Variants in VLDLR observed in about 807,000 individuals in gnomAD.
VLDLR encodes very low-density lipoprotein receptor.
Under a neutral mutation model 112.7 loss-of-function variants are expected in VLDLR, and 81 were observed. The ratio of observed to expected loss-of-function variants is 0.72; its 90% CI spans 0.60 to 0.86. VLDLR has a LOEUF of 0.86. Among genes scored for constraint, VLDLR ranks in the 40% least tolerant of loss-of-function variants. The pLI, the probability that VLDLR is intolerant of heterozygous loss-of-function variation, is 0.00. For synonymous variants in VLDLR, 436 were observed against 384.8 expected, an observed-to-expected ratio of 1.13 and a Z score of -1.56; for missense variants, 1,237 against 1,099.4, an observed-to-expected ratio of 1.13 and a Z score of -1.77.
At position 2,643,483 on chromosome 9, in the gene VLDLR, T is replaced by C. The variant is rs1817919690; in HGVS notation, c.772T>C (p.Cys258Arg). ...CGAGTGCATCCATAAGAAGTGGCGA[T>C]GTGATGGGGACCCTGACTGCAAGGA... ...SGECIHKKWR[C>R]DGDPDCKDGS... Residue 258 changes from cysteine to arginine, a missense_variant, in exon 5 of 19, where the codon TGT becomes CGT. By Grantham distance (180) the Cys-to-Arg change is radical. Transcript: ENST00000382100. 2.5e-6 allele frequency: 4 copies of C among 1,614,072 alleles called. No homozygotes were observed. The highest frequency in any genetic ancestry group is 1.7e-5 in the Admixed American group (1 of 60,008).
Position 2,646,335 on chromosome 9 carries a change from G to C in VLDLR, c.1486G>C (p.Ala496Pro). ...ADLSQKAIFS[A>P]SIDDKVGRHV... ...TTCTTGTGACCTATTCTGTTTCAGT[G>C]CCTCAATTGATGACAAGGTTGGTAG... The change falls in exon 11 of 19, where the codon GCC (alanine) becomes CCC (proline). Residue 496 changes from alanine to proline, a missense_variant and splice_region_variant. Physicochemically the swap from Ala to Pro is conservative, Grantham distance 27. Transcript: ENST00000382100. 6.2e-7 allele frequency: 1 copy of C among 1,614,010 alleles called. No individual in the cohort carries two copies.
chr9:2,635,328 C>T (rs1296603261), intron 1 of VLDLR, 125 bp from the exon 2 acceptor site: 23 of 1,436,880 alleles, frequency 1.6e-5, no homozygotes, highest in Non-Finnish European at 2.2e-5. Flanking sequence ...CCTACTCTGG[C>T]CCTTAGGATG....
intron 3 of VLDLR, 79 bp downstream of exon 3, chr9:2,640,060 A>G: frequency 6.2e-7 from 1 of 1,610,762 alleles, no homozygotes; most frequent in South Asian, 1.1e-5. Flanking sequence ...TTAATCTCCT[A>G]CTTGGTATTC....
At chr9:2,636,574 A>G (rs1817605663) in intron 2 of VLDLR, among the ~76,000 whole-genome samples, 4 of 152,220 alleles carry the variant, frequency 2.6e-5, no homozygotes, top group Admixed American at 1.3e-4. Flanking sequence ...CAATGTGTAA[A>G]GCAGATCAGT....
chr9:2,644,715 T>C lies in VLDLR; in HGVS notation c.1067-19T>C, dbSNP rs1817993286. 1 of 1,613,864 alleles carries C rather than the reference T, an allele frequency of 6.2e-7. No individual in the cohort carries two copies. The highest frequency in any genetic ancestry group is 8.5e-7 in the Non-Finnish European group (1 of 1,179,866). ...AATTGAAAATAAGTTGTCAAGTGAC[T>C]ACTACATTTTTATTCCAGATATAAA... On this transcript the variant is annotated intron_variant, in intron 7 of 18. Transcript: ENST00000382100.
Position 2,657,943 on chromosome 9 carries a change from A to C in VLDLR, c.*4075A>C, listed in dbSNP as rs974321226. On this transcript the variant is annotated 3_prime_UTR_variant, in exon 19 of 19. Coordinates refer to ENST00000382100, the MANE Select transcript of VLDLR (RefSeq NM_003383.5). The stretch of plus-strand genomic sequence containing the variant: ...TTCTTGGGAAAACTAAAAATTGTAC[A>C]TCCATGCTTCAGCCATATCATGGGC... 6.6e-6 allele frequency: 1 copy of C among 152,232 alleles called. No individual in the cohort carries two copies. Among genetic ancestry groups the C allele is most frequent in the African/African-American group, 2.4e-5 (1 of 41,466 alleles). 9.4% of individuals were successfully genotyped at this position (152,232 alleles called of 1,614,324 possible). A position where few individuals can be genotyped will look rare whatever the true frequency, so the allele number is the denominator to read the frequency against.
chr9:2,622,838 C>T (rs1816887331), intron 1 of VLDLR, among the ~76,000 whole-genome samples: 1 of 152,090 alleles, frequency 6.6e-6, no homozygotes, highest in African/African-American at 2.4e-5. Context: ...CTCCGCGGAG[C>T]CGAGGGCACC....
Position 2,651,949 on chromosome 9 carries a change from C to T in VLDLR, c.2411C>T (p.Pro804Leu), listed in dbSNP as rs1262685523. ...ACTTCTGCCGCATGGGCCATTCTTC[C>T]TCTCTGTAAGTAGATTTCCTACAAG... is the stretch of plus-strand genomic sequence containing the variant. ...KGTSAAWAILPLLLLVMAAVG... is the reference protein window; with the variant it reads ...KGTSAAWAILLLLLLVMAAVG... The change falls in exon 17 of 19, where the codon CCT becomes CTT. Residue 804 changes from proline (P) to leucine (L), a missense_variant. Transcript: ENST00000382100. 3 of 1,614,048 alleles carry T rather than the reference C, an allele frequency of 1.9e-6. No individual in the cohort carries two copies. Among genetic ancestry groups the T allele is most frequent in the Admixed American group, 3.3e-5 (2 of 60,020 alleles).
intron 14 of VLDLR, among the ~76,000 whole-genome samples, chr9:2,649,151 T>C (rs1367262878): frequency 7.2e-5 from 11 of 152,140 alleles, no homozygotes; most frequent in African/African-American, 2.2e-4. Context: ...TACTGTTAGT[T>C]TGCTAGGATT....
chr9:2,630,896 C>T (rs761190079), intron 1 of VLDLR, among the ~76,000 whole-genome samples: 2 of 152,050 alleles, frequency 1.3e-5, no homozygotes, highest in Non-Finnish European at 1.5e-5. Context: ...AACAACCTGC[C>T]GAATGGGAGA....
At position 2,648,072 on chromosome 9, in the gene VLDLR, A is replaced by G. The variant is rs571265421; in HGVS notation, c.1823-136A>G. ...TACAGGCTCTGCATGCTGCTTCGCA[A>G]GGTTTATGGTGACCCCGTTAAGAAA... is the stretch of plus-strand genomic sequence containing the variant. On this transcript the variant is annotated intron_variant, in intron 12 of 18. Transcript: ENST00000382100. The G allele has an allele frequency of 4.2e-6, 5 of 1,197,098 alleles. No homozygotes were observed. In the South Asian group the frequency reaches 5.3e-5, roughly 13 times the overall value. 74.2% of individuals were successfully genotyped at this position (1,197,098 alleles called of 1,614,324 possible).
At chr9:2,650,656 TATC>T (rs1016654796) in intron 15 of VLDLR, 140 bp downstream of exon 15, 2 of 1,257,450 alleles carry the variant, frequency 1.6e-6, no homozygotes, top group East Asian at 2.5e-5. Context: ...TATGCCGGGT[TATC>T]ATGTCATTTC....
chr9:2,634,124 G>A (rs1817492652), intron 1 of VLDLR, among the ~76,000 whole-genome samples: 1 of 152,184 alleles, frequency 6.6e-6, no homozygotes, highest in South Asian at 2.1e-4. Context: ...ATCCAAGGAA[G>A]TAACCACACC....
At chr9:2,634,267 G>A (rs1817500661) in intron 1 of VLDLR, among the ~76,000 whole-genome samples, 1 of 152,180 alleles carries the variant, frequency 6.6e-6, no homozygotes, top group Admixed American at 6.5e-5. Flanking sequence ...TAACACAAGA[G>A]TTCCAGTCTG....
intron 12 of VLDLR, 121 bp from the exon 13 acceptor site, chr9:2,648,087 C>T: frequency 7.2e-7 from 1 of 1,380,218 alleles, no homozygotes; most frequent in Non-Finnish European, 1.0e-6. Context: ...TATGGTGACC[C>T]CGTTAAGAAA....
At chr9:2,633,810 A>C (rs973617260) in intron 1 of VLDLR, among the ~76,000 whole-genome samples, 10 of 152,176 alleles carry the variant, frequency 6.6e-5, no homozygotes, top group Non-Finnish European at 1.2e-4. Flanking sequence ...TACCCTCAGC[A>C]TTGAGAATAT....
intron 1 of VLDLR, among the ~76,000 whole-genome samples, chr9:2,635,066 G>A (rs1330223718): frequency 1.3e-5 from 2 of 152,094 alleles, no homozygotes; most frequent in East Asian, 1.9e-4. Flanking sequence ...CCATTTGCCC[G>A]AGATCACTAT....
chr9:2,640,034 C>G, intron 3 of VLDLR, 53 bp downstream of exon 3: 3 of 1,613,804 alleles, frequency 1.9e-6, no homozygotes, highest in Non-Finnish European at 2.5e-6. Context: ...CGGTGTCTAA[C>G]ATTTCTAAGT....
chr9:2,627,755 C>A (rs997345717), intron 1 of VLDLR, among the ~76,000 whole-genome samples: 2 of 151,660 alleles, frequency 1.3e-5, no homozygotes, highest in East Asian at 3.9e-4. Context: ...ATCCCAGCTA[C>A]TCAGGAGGCT....
Sources: allele counts gnomAD v4.1 joint callset (sites outside exome capture counted in the v4.1 genomes callset), GRCh38; gene constraint gnomAD v4.1.1; transcripts MANE v1.5; gene names NCBI Gene and HGNC (gene_info 2026-07-23, HGNC 2026-07-21).